SLC4A10: variants seen among roughly 807,000 people sequenced by gnomAD.
SLC4A10 encodes solute carrier family 4 member 10.
In SLC4A10, 42 loss-of-function variants were observed where a neutral mutation model predicts 137.7. That is an observed-to-expected ratio of 0.30 (90% CI 0.24 to 0.39). The LOEUF (loss-of-function observed/expected upper bound fraction) is 0.39, where lower values mean the gene tolerates loss of function less well. SLC4A10 is among the 10% of genes least tolerant of loss of function. The pLI, the probability that SLC4A10 is intolerant of heterozygous loss-of-function variation, is 1.00. For missense variants in SLC4A10, 925 were observed against 1,355.0 expected, an observed-to-expected ratio of 0.68 and a Z score of 4.98; for synonymous variants, 474 against 464.1, an observed-to-expected ratio of 1.02 and a Z score of -0.27.
At chr2:161,803,405 C>T (rs2055581566) in intron 2 of SLC4A10, among the ~76,000 whole-genome samples, 2 of 152,226 alleles carry the variant, frequency 1.3e-5, no homozygotes, top group South Asian at 2.1e-4. Context: ...TTAGGGTTCA[C>T]TCTGTGTTAT....
chr2:161,814,130 A>C (rs1407642846), intron 3 of SLC4A10, among the ~76,000 whole-genome samples: 1 of 152,152 alleles, frequency 6.6e-6, no homozygotes, highest in Non-Finnish European at 1.5e-5. Context: ...ATGAACAGAC[A>C]CTTCTTAAAA....
At chr2:161,928,591 C>T (rs1417390453) in intron 15 of SLC4A10, among the ~76,000 whole-genome samples, 1 of 146,058 alleles carries the variant, frequency 6.8e-6, no homozygotes, top group Non-Finnish European at 1.5e-5. Flanking sequence ...AAACAAACTT[C>T]TCAATGGCTG....
In SLC4A10 at chr2:161,703,457, TAA is replaced by T. The variant is rs201424646; in HGVS notation, c.49-67513_49-67512del. The stretch of plus-strand genomic sequence containing the variant: ...TGTATATTATTTAAAATACTAAAAC[TAA>T]AATATCAATAATGGTTATCTCTGTA... On this transcript the variant is annotated intron_variant, in intron 1 of 26. Transcript: ENST00000446997. Among the ~76,000 whole-genome samples, 7 of 151,794 alleles carry T rather than the reference TAA, an allele frequency of 4.6e-5. No individual in the cohort carries two copies. In the East Asian group the frequency reaches 1.4e-3, roughly 29 times the overall value.
intron 3 of SLC4A10, among the ~76,000 whole-genome samples, chr2:161,808,647 T>G (rs1021819325): frequency 1.3e-5 from 2 of 152,182 alleles, no homozygotes. Context: ...TAGCCCCACT[T>G]ATGAGTGAGA....
chr2:161,754,900 G>A (rs2049427788), intron 1 of SLC4A10, among the ~76,000 whole-genome samples: 1 of 152,020 alleles, frequency 6.6e-6, no homozygotes, highest in Non-Finnish European at 1.5e-5. Flanking sequence ...AATTACAAAT[G>A]CAACTACTAC....
At chr2:161,849,879 G>GAA (rs1465939371) in intron 4 of SLC4A10, among the ~76,000 whole-genome samples, 2 of 151,996 alleles carry the variant, frequency 1.3e-5, no homozygotes, top group East Asian at 3.9e-4. Flanking sequence ...GAATCTGCCT[G>GAA]GTTTTAGTAT....
chr2:161,810,907 C>G (rs1042108696), intron 3 of SLC4A10, among the ~76,000 whole-genome samples: 1 of 151,902 alleles, frequency 6.6e-6, no homozygotes, highest in Non-Finnish European at 1.5e-5. Flanking sequence ...CTCCCCTCAT[C>G]CTCAATTTTT....
chr2:161,907,193 A>G (rs1415761620), intron 15 of SLC4A10, among the ~76,000 whole-genome samples: 1 of 152,202 alleles, frequency 6.6e-6, no homozygotes, highest in Admixed American at 6.5e-5. Flanking sequence ...AACAAGAAAA[A>G]TCAAAGTGGA....
intron 3 of SLC4A10, among the ~76,000 whole-genome samples, chr2:161,816,533 G>T (rs1285908189): frequency 6.6e-6 from 1 of 151,906 alleles, no homozygotes; most frequent in Non-Finnish European, 1.5e-5. Context: ...CAACGTGCAG[G>T]TTTCTTACAT....
At chr2:161,799,620 A>G (rs554753279) in intron 2 of SLC4A10, among the ~76,000 whole-genome samples, 2 of 152,038 alleles carry the variant, frequency 1.3e-5, no homozygotes, top group African/African-American at 4.8e-5. Flanking sequence ...GGGAACTAAC[A>G]TGTATTAGTG....
At chr2:161,949,322 C>G (rs1694385060) in intron 18 of SLC4A10, 61 bp downstream of exon 18, 1 of 1,080,982 alleles carries the variant, frequency 9.3e-7, no homozygotes, top group Non-Finnish European at 1.4e-6. Flanking sequence ...TTAGATGATA[C>G]CTATAACTCT....
At chr2:161,903,763 G>A (rs1263693229) in intron 12 of SLC4A10, among the ~76,000 whole-genome samples, 1 of 152,156 alleles carries the variant, frequency 6.6e-6, no homozygotes, top group Non-Finnish European at 1.5e-5. Flanking sequence ...TCTGAACCTT[G>A]TTTAAGAGAA....
intron 3 of SLC4A10, among the ~76,000 whole-genome samples, chr2:161,817,891 T>G (rs1478839404): frequency 6.6e-6 from 1 of 151,810 alleles, no homozygotes; most frequent in Admixed American, 6.6e-5. Flanking sequence ...AGCCTTGTAG[T>G]ATAGTTTGAA....
chr2:161,696,118 T>G (rs557787790), intron 1 of SLC4A10, among the ~76,000 whole-genome samples: 1 of 151,132 alleles, frequency 6.6e-6, no homozygotes, highest in South Asian at 2.1e-4. Flanking sequence ...TGTGTCCAAG[T>G]GTTCTCATTG....
intron 6 of SLC4A10, among the ~76,000 whole-genome samples, chr2:161,870,060 A>G (rs1222341479): frequency 6.6e-6 from 1 of 151,264 alleles, no homozygotes; most frequent in African/African-American, 2.4e-5. Flanking sequence ...TTCATTATCA[A>G]CCTTATAAAG....
intron 1 of SLC4A10, among the ~76,000 whole-genome samples, chr2:161,626,574 T>C (rs546635026): frequency 3.9e-4 from 59 of 152,312 alleles, no homozygotes; most frequent in African/African-American, 1.4e-3. Context: ...GCTGAATTAC[T>C]GGTCCAGTTT....
chr2:161,929,360 C>G (rs1345381578), intron 15 of SLC4A10, among the ~76,000 whole-genome samples: 1 of 152,198 alleles, frequency 6.6e-6, no homozygotes, highest in African/African-American at 2.4e-5. Context: ...TCTTTATGTT[C>G]AGATGTTTTA....
At chr2:161,946,309 G>T (rs188447603) in intron 16 of SLC4A10, among the ~76,000 whole-genome samples, 94 of 152,144 alleles carry the variant, frequency 6.2e-4, no homozygotes, top group African/African-American at 2.1e-3. Flanking sequence ...CTCAGGCTTA[G>T]GGTAGCTAGC....
chr2:161,639,817 T>A (rs1393359289), intron 1 of SLC4A10, among the ~76,000 whole-genome samples: 1 of 152,096 alleles, frequency 6.6e-6, no homozygotes. Flanking sequence ...AAATTGGAAA[T>A]GAGAAGTCAA....
Sources: gnomAD v4.1 joint callset for allele counts (sites outside exome capture counted in the v4.1 genomes callset) on GRCh38, gnomAD v4.1.1 for gene constraint, MANE v1.5 for transcripts, NCBI Gene and HGNC (gene_info 2026-07-23, HGNC 2026-07-21) for gene names.